Variants in HMGXB3 observed in about 807,000 individuals in gnomAD.
HMGXB3 encodes the protein HMG-box containing 3, also known as HMG domain-containing protein 3.
HMGXB3 carries 45 observed loss-of-function variants against 121.5 expected under a neutral mutation model. The observed-to-expected ratio is 0.37, with a 90% CI of 0.29 to 0.47. The LOEUF (loss-of-function observed/expected upper bound fraction) is 0.47, where lower values mean the gene tolerates loss of function less well. HMGXB3 is among the 20% of genes least tolerant of loss of function. The pLI, the probability that HMGXB3 is intolerant of heterozygous loss-of-function variation, is 0.99. For synonymous variants in HMGXB3, 590 were observed against 624.1 expected, an observed-to-expected ratio of 0.95 and a Z score of 0.81; for missense variants, 1,376 against 1,602.2, an observed-to-expected ratio of 0.86 and a Z score of 2.41.
chr5:150,010,569 C>G lies in HMGXB3; in HGVS notation c.771C>G (p.Pro257=), dbSNP rs767016134. Residue 257 remains proline (P), a synonymous_variant, in exon 4 of 20, where the codon CCC becomes CCG. Transcript: ENST00000502717. ...CTGGAAGCCTGGCTGTGCCCCACCC[C>G]CAGGTTGGGGAGAGTGTATCAGTGG... is the stretch of plus-strand genomic sequence containing the variant. ...LPTGSLAVPH[P]QVGESVSVVT... is the part of the protein sequence containing the mutation. 1.3e-6 allele frequency: 2 copies of G among 1,551,320 alleles called. No individual in the cohort carries two copies. Among genetic ancestry groups the G allele is most frequent in the South Asian group, 2.4e-5 (2 of 84,050 alleles).
rs548555318 is a variant in HMGXB3, at chr5:150,003,525, G to A, written c.-2-1326G>A. Among the ~76,000 whole-genome samples the A allele has an allele frequency of 2.0e-5, 3 of 152,080 alleles. No individual in the cohort carries two copies. In the South Asian group the frequency reaches 6.2e-4, roughly 32 times the overall value. ...TTTGGGAGGCTGAGGTAAGAGGATC[G>A]CTTGAGCCCAGGAGTTCAAGACCAG... On this transcript the variant is annotated intron_variant, in intron 1 of 19. Transcript: ENST00000502717.
intron 5 of HMGXB3, 80 bp from the exon 6 acceptor site, chr5:150,018,483 ACCT>A (rs771612861): frequency 5.2e-6 from 6 of 1,159,256 alleles, no homozygotes; most frequent in Non-Finnish European, 6.9e-6. Context: ...CAAGCTTGTG[ACCT>A]CCTGGTGTTG....
intron 2 of HMGXB3, 94 bp downstream of exon 2, chr5:150,005,083 G>A: frequency 1.4e-6 from 2 of 1,445,376 alleles, no homozygotes; most frequent in East Asian, 2.5e-5. Flanking sequence ...CTTTGAAAAA[G>A]AGTGTTATGA....
intron 16 of HMGXB3, among the ~76,000 whole-genome samples, chr5:150,047,269 G>A (rs1756778792): frequency 6.6e-6 from 1 of 152,066 alleles, no homozygotes; most frequent in South Asian, 2.1e-4. Flanking sequence ...TGTGTAGAGG[G>A]CACTTTTAAA....
chr5:150,021,565 A>C, intron 6 of HMGXB3: 1 of 391,806 alleles, frequency 2.6e-6, no homozygotes, highest in Non-Finnish European at 5.0e-6. Flanking sequence ...AAAATAGTTG[A>C]CTTAAGCATC....
At chr5:150,023,857 G>A (rs943321827) in intron 6 of HMGXB3, among the ~76,000 whole-genome samples, 9 of 152,202 alleles carry the variant, frequency 5.9e-5, no homozygotes, top group Non-Finnish European at 1.2e-4. Context: ...CTCATAAAAG[G>A]ACCACCAAGG....
At chr5:150,046,572 G>T (rs1756759584) in intron 16 of HMGXB3, among the ~76,000 whole-genome samples, 1 of 152,098 alleles carries the variant, frequency 6.6e-6, no homozygotes, top group African/African-American at 2.4e-5. Context: ...CAGCACTTTG[G>T]GAGGCCCAGG....
At chr5:150,036,572 ATT>A in intron 11 of HMGXB3, 62 bp from the exon 12 acceptor site, 1 of 1,410,576 alleles carries the variant, frequency 7.1e-7, no homozygotes, top group Non-Finnish European at 9.4e-7. Context: ...GACTTTTATT[ATT>A]TTAGCCTGAA....
chr5:150,011,280 C>T (rs1164332743), intron 4 of HMGXB3, among the ~76,000 whole-genome samples: 1 of 152,202 alleles, frequency 6.6e-6, no homozygotes, highest in Non-Finnish European at 1.5e-5. Context: ...GTGTCATTCT[C>T]AGTTGAGGGG....
chr5:150,012,852 C>G lies in HMGXB3; in HGVS notation c.909+499C>G, dbSNP rs183059633. ...TATCCCTGTTTATCTTTTTCTCACA[C>G]TATTATAAATGGCATTTTTAGAAAA... On this transcript the variant is annotated intron_variant, in intron 5 of 19. Coordinates refer to ENST00000502717, the MANE Select transcript of HMGXB3 (RefSeq NM_014983.3). Among the ~76,000 whole-genome samples, 92 of 152,300 alleles carry G rather than the reference C, an allele frequency of 6.0e-4. 1 individual carries two copies. The highest frequency in any genetic ancestry group is 1.0e-3 in the Non-Finnish European group (70 of 68,026).
Position 150,030,850 on chromosome 5 carries a change from A to C in HMGXB3, c.1833+11A>C, listed in dbSNP as rs557101431. 4.7e-5 allele frequency: 72 copies of C among 1,543,720 alleles called. No individual in the cohort carries two copies. The South Asian group carries it at 7.2e-4, about 15-fold the overall frequency. The stretch of plus-strand genomic sequence containing the variant: ...TGCACTGTCACATTGGTAAGTATGC[A>C]GCTAGGTGGTGGTGGGTTGACATGG... On this transcript the variant is annotated intron_variant, in intron 10 of 19. Coordinates refer to ENST00000502717, the MANE Select transcript of HMGXB3 (RefSeq NM_014983.3).
chr5:150,010,051 A>G, intron 3 of HMGXB3, 60 bp from the exon 4 acceptor site: 1 of 1,475,114 alleles, frequency 6.8e-7, no homozygotes, highest in Non-Finnish European at 9.1e-7. Flanking sequence ...TTCTCTCTCC[A>G]TGTGGTCTTA....
intron 19 of HMGXB3, among the ~76,000 whole-genome samples, chr5:150,051,382 G>A (rs987706177): frequency 1.9e-4 from 29 of 152,280 alleles, no homozygotes; most frequent in Admixed American, 1.5e-3. Context: ...TTACTCCCTG[G>A]GGCTCACTGG....
At chr5:150,039,365 T>G (rs1179191921) in intron 13 of HMGXB3, among the ~76,000 whole-genome samples, 2 of 152,214 alleles carry the variant, frequency 1.3e-5, no homozygotes, top group African/African-American at 4.8e-5. Context: ...CATATAAGTA[T>G]TTTACTTTTT....
chr5:150,016,280 A>G (rs1380215643), intron 5 of HMGXB3, among the ~76,000 whole-genome samples: 1 of 150,464 alleles, frequency 6.6e-6, no homozygotes, highest in Admixed American at 6.6e-5. Context: ...GTTGGAGGAT[A>G]CAGTGAGCTG....
intron 18 of HMGXB3, among the ~76,000 whole-genome samples, chr5:150,049,892 C>G (rs1046777891): frequency 6.6e-6 from 1 of 152,210 alleles, no homozygotes; most frequent in Non-Finnish European, 1.5e-5. Context: ...TGACCTCGGG[C>G]CCAGGCATCT....
chr5:150,017,377 G>A (rs1014147943), intron 5 of HMGXB3, among the ~76,000 whole-genome samples: 2 of 152,330 alleles, frequency 1.3e-5, no homozygotes, highest in South Asian at 4.1e-4. Context: ...TCACAAGCAT[G>A]TAGAATCTAA....
rs958691404 is a variant in HMGXB3, at chr5:150,036,683, G to A, written c.2031G>A (p.Leu677=). Residue 677 remains leucine, a synonymous_variant, in exon 12 of 20, where the codon CTG becomes CTA. Transcript: ENST00000502717. ...ATGTACTGAATGCCACAGAGCCCCT[G>A]AGCACAGCCCAGAGGGAGATCCAGC... ...LPDVLNATEP[L]STAQREIQRQ... is the part of the protein sequence containing the mutation. 4 of 1,550,734 alleles carry A rather than the reference G, an allele frequency of 2.6e-6. No homozygotes were observed. Among genetic ancestry groups the A allele is most frequent in the African/African-American group, 2.7e-5 (2 of 73,026 alleles).
intron 9 of HMGXB3, among the ~76,000 whole-genome samples, chr5:150,028,541 G>GTGTATATA (rs1203886454): frequency 2.6e-4 from 11 of 42,086 alleles, no homozygotes; most frequent in Non-Finnish European, 5.5e-4. Flanking sequence ...GTGTGTGTGT[G>GTGTATATA]TATATATATA....
Sources: allele counts gnomAD v4.1 joint callset (sites outside exome capture counted in the v4.1 genomes callset), GRCh38; gene constraint gnomAD v4.1.1; transcripts MANE v1.5; gene names NCBI Gene and HGNC (gene_info 2026-07-23, HGNC 2026-07-21).